SPATA17: variants seen among roughly 807,000 people sequenced by gnomAD.
The protein encoded by SPATA17 is spermatogenesis associated 17.
SPATA17 carries 53 observed loss-of-function variants against 62.2 expected under a neutral mutation model. The ratio of observed to expected loss-of-function variants is 0.85; its 90% CI spans 0.68 to 1.07. The LOEUF (loss-of-function observed/expected upper bound fraction) is 1.07, where lower values mean the gene tolerates loss of function less well. SPATA17 is among the 50% of genes least tolerant of loss of function. The probability of loss-of-function intolerance (pLI) is 0.00; values close to 1 mark genes in which losing one functional copy is unlikely to be tolerated. For missense variants in SPATA17, 466 were observed against 425.5 expected (o/e 1.10, Z -0.84); for synonymous variants, 146 against 146.8 (o/e 0.99, Z 0.04).
At chr1:217,711,142 C>G (rs955980680) in intron 5 of SPATA17, among the ~76,000 whole-genome samples, 2 of 152,024 alleles carry the variant, frequency 1.3e-5, no homozygotes, top group Non-Finnish European at 2.9e-5. Flanking sequence ...CAAGTGTTTT[C>G]TTTTAATTTT....
At chr1:217,833,645 G>C (rs1306781722) in intron 9 of SPATA17, among the ~76,000 whole-genome samples, 1 of 152,116 alleles carries the variant, frequency 6.6e-6, no homozygotes, top group East Asian at 1.9e-4. Flanking sequence ...TTAATATACA[G>C]AGTGGCAAAG....
intron 6 of SPATA17, among the ~76,000 whole-genome samples, chr1:217,751,268 A>T (rs1361028081): frequency 6.6e-6 from 1 of 152,212 alleles, no homozygotes; most frequent in Non-Finnish European, 1.5e-5. Context: ...TATTTTCAGA[A>T]TATTCTATAA....
chr1:217,780,570 G>T (rs1370191343), intron 7 of SPATA17, among the ~76,000 whole-genome samples: 1 of 152,052 alleles, frequency 6.6e-6, no homozygotes, highest in Non-Finnish European at 1.5e-5. Context: ...ATCAACAAAG[G>T]TTAGAAGGCA....
chr1:217,739,376 C>A (rs967539536), intron 5 of SPATA17: 1 of 152,054 alleles, frequency 6.6e-6, no homozygotes, highest in African/African-American at 2.4e-5. Context: ...CTGCCATTAA[C>A]TTATTTGTTA....
intron 5 of SPATA17, among the ~76,000 whole-genome samples, chr1:217,684,735 G>A (rs1485528936): frequency 6.6e-6 from 1 of 152,066 alleles, no homozygotes; most frequent in Non-Finnish European, 1.5e-5. Flanking sequence ...ACTCTTTAAA[G>A]TCTTTGAACT....
At chr1:217,757,549 C>A (rs1165759737) in intron 6 of SPATA17, among the ~76,000 whole-genome samples, 1 of 152,176 alleles carries the variant, frequency 6.6e-6, no homozygotes, top group Non-Finnish European at 1.5e-5. Flanking sequence ...CCCACTCCTT[C>A]TTCCTTGACA....
At chr1:217,830,675 C>T (rs1219795395) in intron 9 of SPATA17, among the ~76,000 whole-genome samples, 1 of 152,080 alleles carries the variant, frequency 6.6e-6, no homozygotes, top group Non-Finnish European at 1.5e-5. Context: ...GGAAGCCATA[C>T]TTCCAGGCCA....
intron 5 of SPATA17, among the ~76,000 whole-genome samples, chr1:217,684,462 T>G (rs1311608165): frequency 2.6e-5 from 4 of 152,210 alleles, no homozygotes; most frequent in African/African-American, 9.6e-5. Flanking sequence ...TCACGCAGGC[T>G]GGAGTGCAGT....
chr1:217,865,045 GA>G (rs1439204856), intron 10 of SPATA17, among the ~76,000 whole-genome samples: 1 of 151,956 alleles, frequency 6.6e-6, no homozygotes, highest in Non-Finnish European at 1.5e-5. Context: ...TCTTTGATAG[GA>G]AATGAATGTC....
intron 9 of SPATA17, among the ~76,000 whole-genome samples, chr1:217,821,220 A>T (rs1283824614): frequency 2.0e-5 from 3 of 152,112 alleles, no homozygotes; most frequent in African/African-American, 7.2e-5. Context: ...TAAAGAGATT[A>T]TATCCAAACA....
intron 3 of SPATA17, among the ~76,000 whole-genome samples, chr1:217,668,170 G>A (rs1670745172): frequency 6.6e-6 from 1 of 152,170 alleles, no homozygotes; most frequent in Admixed American, 6.5e-5. Flanking sequence ...AATGGATAAA[G>A]TTGTATACCA....
intron 5 of SPATA17, among the ~76,000 whole-genome samples, chr1:217,711,167 T>G (rs1424178973): frequency 6.6e-6 from 1 of 152,198 alleles, no homozygotes; most frequent in East Asian, 1.9e-4. Context: ...TTTGGTTCAG[T>G]GGTACATGTA....
intron 9 of SPATA17, among the ~76,000 whole-genome samples, chr1:217,815,796 G>A (rs1408041773): frequency 6.6e-6 from 1 of 152,104 alleles, no homozygotes; most frequent in Non-Finnish European, 1.5e-5. Flanking sequence ...TTGTGTTTTC[G>A]GTTTACTGGA....
At chr1:217,847,322 G>T (rs1237452846) in intron 9 of SPATA17, among the ~76,000 whole-genome samples, 1 of 151,860 alleles carries the variant, frequency 6.6e-6, no homozygotes, top group African/African-American at 2.4e-5. Flanking sequence ...CATTCCTTAG[G>T]ATTTTGAAAA....
chr1:217,742,907 G>A (rs6684774), intron 6 of SPATA17, among the ~76,000 whole-genome samples: 69,307 of 151,000 alleles, frequency 0.46, 17,360 homozygotes, highest in Non-Finnish European at 0.58. Flanking sequence ...GTGAAGGGTG[G>A]GCCCCAAGAC....
At chr1:217,820,043 A>G (rs932570690) in intron 9 of SPATA17, among the ~76,000 whole-genome samples, 3 of 152,078 alleles carry the variant, frequency 2.0e-5, no homozygotes, top group Admixed American at 2.0e-4. Flanking sequence ...AGTAAGTGCT[A>G]AACACCTGTG....
intron 8 of SPATA17, among the ~76,000 whole-genome samples, chr1:217,793,516 G>A (rs991447865): frequency 1.3e-5 from 2 of 152,078 alleles, no homozygotes; most frequent in African/African-American, 2.4e-5. Flanking sequence ...CACCGTGCCC[G>A]GCAGGACAGT....
chr1:217,799,900 T>C (rs1480650612), intron 8 of SPATA17, among the ~76,000 whole-genome samples: 1 of 152,060 alleles, frequency 6.6e-6, no homozygotes, highest in African/African-American at 2.4e-5. Flanking sequence ...AATATTTTTC[T>C]CAGGAGAATA....
chr1:217,837,944 A>T (rs774632276), intron 9 of SPATA17, among the ~76,000 whole-genome samples: 3 of 152,134 alleles, frequency 2.0e-5, no homozygotes, highest in Non-Finnish European at 4.4e-5. Flanking sequence ...TATAATAGTC[A>T]TAAAGCTATT....
Sources: gnomAD v4.1 joint callset for allele counts (sites outside exome capture counted in the v4.1 genomes callset) on GRCh38, gnomAD v4.1.1 for gene constraint, MANE v1.5 for transcripts, NCBI Gene and HGNC (gene_info 2026-07-23, HGNC 2026-07-21) for gene names.